Variants in STYK1 observed in about 807,000 individuals in gnomAD.
STYK1 encodes the protein STY kinase 1.
STYK1 carries 46 observed loss-of-function variants against 48.1 expected under a neutral mutation model. That is an observed-to-expected ratio of 0.96 (90% CI 0.75 to 1.22). STYK1 has a LOEUF of 1.22. Ranked by LOEUF, STYK1 falls within the 50% of genes most tolerant of loss-of-function variation. The pLI is 0.00. For synonymous variants in STYK1, 188 were observed against 189.0 expected (o/e 0.99, Z 0.04); for missense variants, 527 against 521.1 (o/e 1.01, Z -0.11).
chr12:10,627,712 T>G lies in STYK1; in HGVS notation c.646A>C (p.Met216Leu). ...GTGAGATCATAGAGAAGACCATCCA[T>G]AGTCATCACATCCTAAAGAGACAGG... Reference protein sequence around the residue: ...LWTCRRDVMTMDGLLYDLTEK... With the variant: ...LWTCRRDVMTLDGLLYDLTEK... Residue 216 changes from methionine (M) to leucine (L), a missense_variant, in exon 7 of 11, where the codon ATG (methionine) becomes CTG (leucine). By Grantham distance (15) the Met-to-Leu change is conservative. Transcript: ENST00000075503. The G allele has an allele frequency of 6.2e-7, 1 of 1,612,432 alleles. No homozygotes were observed. The highest frequency in any genetic ancestry group is 8.5e-7 in the Non-Finnish European group (1 of 1,179,508).
intron 10 of STYK1, 70 bp downstream of exon 10, chr12:10,621,806 A>T: frequency 7.0e-7 from 1 of 1,437,120 alleles, no homozygotes; most frequent in Non-Finnish European, 9.8e-7. Context: ...CCCTTTGAAA[A>T]GGGCACGATT....
At position 10,658,343 on chromosome 12, in the gene STYK1, T is replaced by G. The variant is rs1947740720; in HGVS notation, c.-195+15623A>C. Among the ~76,000 whole-genome samples the G allele has an allele frequency of 2.6e-5, 4 of 152,216 alleles. No homozygotes were observed. In the South Asian group the frequency reaches 8.3e-4, roughly 31 times the overall value. ...ATCTGGCTTTCTCTCTTGAATAAGA[T>G]TTTTGTGTAATATTTTTAAAAACGA... On this transcript the variant is annotated intron_variant, in intron 1 of 10. Transcript: ENST00000075503.
At chr12:10,663,733 C>A (rs919851235) in intron 1 of STYK1, among the ~76,000 whole-genome samples, 1 of 118,254 alleles carries the variant, frequency 8.5e-6, no homozygotes. Flanking sequence ...ATCACTTTGA[C>A]CATTTCGGAA....
At chr12:10,622,994 C>T (rs1425952671) in intron 8 of STYK1, among the ~76,000 whole-genome samples, 1 of 148,604 alleles carries the variant, frequency 6.7e-6, no homozygotes, top group South Asian at 2.1e-4. Context: ...CACAAAAGCA[C>T]ATTTACCTAA....
At chr12:10,630,256 C>T (rs945952861) in intron 5 of STYK1, among the ~76,000 whole-genome samples, 1 of 151,452 alleles carries the variant, frequency 6.6e-6, no homozygotes, top group Non-Finnish European at 1.5e-5. Flanking sequence ...CATAGTGGCA[C>T]ACGGCTGTAA....
intron 1 of STYK1, among the ~76,000 whole-genome samples, chr12:10,655,244 C>G (rs1012033872): frequency 2.0e-5 from 3 of 152,194 alleles, no homozygotes; most frequent in Non-Finnish European, 4.4e-5. Flanking sequence ...GGGTTTCTCT[C>G]TCATCTTGTT....
intron 1 of STYK1, among the ~76,000 whole-genome samples, chr12:10,660,384 A>C (rs568073126): frequency 6.6e-6 from 1 of 152,284 alleles, no homozygotes; most frequent in East Asian, 1.9e-4. Context: ...CATTGCCACT[A>C]TTCAGCTAGA....
At position 10,631,089 on chromosome 12, in the gene STYK1, C is replaced by T. The variant is rs773757873; in HGVS notation, c.407G>A (p.Gly136Glu). The change falls in exon 5 of 11, where the codon GGG becomes GAG. Residue 136 changes from glycine to glutamate, a missense_variant. Physicochemically the swap from Gly to Glu is moderately conservative, Grantham distance 98. Coordinates refer to ENST00000075503, the MANE Select transcript of STYK1 (RefSeq NM_018423.3). The part of the protein sequence containing the change: ...GPIFRANMNT[G>E]DPSKPKSVIL... ...AACACTCTTGGGCTTAGAAGGGTCC[C>T]CAGTGTTCATATTGGCTCGAAAGAT... The T allele has an allele frequency of 1.9e-6, 3 of 1,614,136 alleles. No individual in the cohort carries two copies. The Admixed American group carries it at 5.0e-5, about 27-fold the overall frequency.
chr12:10,654,603 T>C (rs1004888259), intron 1 of STYK1, among the ~76,000 whole-genome samples: 5 of 152,000 alleles, frequency 3.3e-5, no homozygotes, highest in African/African-American at 1.2e-4. Flanking sequence ...GGGTTAGAGG[T>C]CCAACTTAGG....
Position 10,627,312 on chromosome 12 carries a change from T to C in STYK1, c.717+329A>G, listed in dbSNP as rs539870712. 3.9e-5 allele frequency among the ~76,000 whole-genome samples: 6 copies of C among 152,334 alleles called. No homozygotes were observed. In the South Asian group the frequency reaches 1.2e-3, roughly 32 times the overall value. On this transcript the variant is annotated intron_variant, in intron 7 of 10. Transcript: ENST00000075503. ...CTGTCTCTTTTAATTCTATTATTAG[T>C]ACAAATGGGGATGTAAAATTATCAA...
chr12:10,657,370 A>C (rs1947730532), intron 1 of STYK1, among the ~76,000 whole-genome samples: 1 of 152,244 alleles, frequency 6.6e-6, no homozygotes, highest in African/African-American at 2.4e-5. Flanking sequence ...TTGTATGTGT[A>C]ACATTTATAT....
intron 1 of STYK1, among the ~76,000 whole-genome samples, chr12:10,651,429 TA>T (rs1254486099): frequency 1.3e-5 from 2 of 152,182 alleles, no homozygotes; most frequent in Non-Finnish European, 2.9e-5. Flanking sequence ...TAATCTCTCC[TA>T]ATGCTCAGTT....
At chr12:10,656,579 C>T (rs1038864732) in intron 1 of STYK1, among the ~76,000 whole-genome samples, 26 of 152,150 alleles carry the variant, frequency 1.7e-4, no homozygotes, top group African/African-American at 6.0e-4. Flanking sequence ...GAGCCGAGAT[C>T]ACGTCACTGC....
intron 1 of STYK1, among the ~76,000 whole-genome samples, chr12:10,654,235 T>C (rs1208384787): frequency 6.6e-6 from 1 of 152,214 alleles, no homozygotes; most frequent in Non-Finnish European, 1.5e-5. Context: ...AGAAAACTCA[T>C]GAATAATCTA....
At chr12:10,638,559 C>A (rs527768633) in intron 1 of STYK1, among the ~76,000 whole-genome samples, 372 of 152,286 alleles carry the variant, frequency 2.4e-3, no homozygotes, top group Non-Finnish European at 4.1e-3. Flanking sequence ...ACATACAATA[C>A]AAGCATAGTG....
rs149147062 is a variant in STYK1 at position 10,645,580 on chromosome 12, C to A, written c.-194-8384G>T. Among the ~76,000 whole-genome samples the A allele has an allele frequency of 4.8e-3, 729 of 152,230 alleles. 1 individual carries two copies. Among genetic ancestry groups the A allele is most frequent in the Non-Finnish European group, 8.6e-3 (585 of 68,006 alleles). ...AAAACAGAGAGATAGATTAATAGAA[C>A]ACATAAGTATCCCAGAAAAAGAGAC... On this transcript the variant is annotated intron_variant, in intron 1 of 10. Transcript: ENST00000075503.
At chr12:10,654,803 A>C (rs1947700622) in intron 1 of STYK1, among the ~76,000 whole-genome samples, 1 of 152,182 alleles carries the variant, frequency 6.6e-6, no homozygotes, top group African/African-American at 2.4e-5. Context: ...GTTAACTGCT[A>C]TTCTCTTTGG....
rs3759259 is a variant in STYK1, at chr12:10,629,516, T to C, written c.610A>G (p.Ser204Gly). The C allele has an allele frequency of 0.61, 976,376 of 1,613,678 alleles. 299,771 individuals carry two copies. Among genetic ancestry groups the C allele is most frequent in the East Asian group, 0.77 (34,635 of 44,852 alleles). ...ACCCGCCGACAGGTCCAGAGAAAGC[T>C]GAGCAGGTCCCCCTGGGCCACATCC... is the stretch of plus-strand genomic sequence containing the variant. ...LEDVAQGDLL[S>G]FLWTCRRDVM... Residue 204 changes from serine (S) to glycine (G), a missense_variant, in exon 6 of 11, where the codon AGC becomes GGC. Transcript: ENST00000075503.
intron 1 of STYK1, among the ~76,000 whole-genome samples, chr12:10,661,914 G>C (rs1260828783): frequency 6.6e-6 from 1 of 152,106 alleles, no homozygotes; most frequent in Non-Finnish European, 1.5e-5. Flanking sequence ...CAATTTAGTG[G>C]TTTTATTATA....
Sources: gnomAD v4.1 joint callset for allele counts (sites outside exome capture counted in the v4.1 genomes callset) on GRCh38, gnomAD v4.1.1 for gene constraint, MANE v1.5 for transcripts, NCBI Gene and HGNC (gene_info 2026-07-23, HGNC 2026-07-21) for gene names.